MYRIP: variants seen among roughly 807,000 people sequenced by gnomAD.
The protein encoded by MYRIP is myosin VIIA and Rab interacting protein, also known as rab effector MyRIP.
In MYRIP, 49 loss-of-function variants were observed where a neutral mutation model predicts 98.0. The observed-to-expected ratio is 0.50, with a 90% CI of 0.40 to 0.63. The LOEUF (loss-of-function observed/expected upper bound fraction) is 0.63. Ranked by LOEUF, MYRIP falls within the 30% of genes least tolerant of loss-of-function variation. The pLI, the probability that MYRIP is intolerant of heterozygous loss-of-function variation, is 0.00. For synonymous variants in MYRIP, 404 were observed against 409.5 expected (o/e 0.99, Z 0.16); for missense variants, 1,004 against 1,058.2 (o/e 0.95, Z 0.71).
At chr3:40,167,695 A>G (rs1950526909) in intron 7 of MYRIP, among the ~76,000 whole-genome samples, 1 of 152,194 alleles carries the variant, frequency 6.6e-6, no homozygotes, top group Non-Finnish European at 1.5e-5. Flanking sequence ...CAGGTATCCC[A>G]AAGCCACCAC....
chr3:40,153,486 C>T (rs1236370237), intron 4 of MYRIP, among the ~76,000 whole-genome samples: 3 of 152,192 alleles, frequency 2.0e-5, no homozygotes, highest in Non-Finnish European at 1.5e-5. Context: ...ACATTAGAAT[C>T]GCCAAGGGCG....
intron 2 of MYRIP, among the ~76,000 whole-genome samples, chr3:40,040,936 C>A (rs1947501496): frequency 1.4e-5 from 1 of 71,264 alleles, no homozygotes; most frequent in South Asian, 6.6e-4. Context: ...ACATATGTAA[C>A]TAACCTGCAC....
chr3:40,160,355 A>G (rs1202911382), intron 4 of MYRIP, among the ~76,000 whole-genome samples: 1 of 152,250 alleles, frequency 6.6e-6, no homozygotes, highest in Admixed American at 6.5e-5. Flanking sequence ...GCCTGTTCTC[A>G]GATCTCCAGC....
At chr3:40,050,714 C>A (rs1182183488) in intron 3 of MYRIP, among the ~76,000 whole-genome samples, 7 of 152,050 alleles carry the variant, frequency 4.6e-5, no homozygotes, top group Admixed American at 3.9e-4. Context: ...GAAAACAAAC[C>A]TTTTGGAAAG....
intron 3 of MYRIP, among the ~76,000 whole-genome samples, chr3:40,113,232 C>A (rs1949198352): frequency 6.6e-6 from 1 of 152,218 alleles, no homozygotes; most frequent in Non-Finnish European, 1.5e-5. Context: ...CAGCCTCTAC[C>A]TCCTGGGTTC....
rs1559393711 is a variant in MYRIP, at chr3:40,084,413, ATC to A, written c.332+40144_332+40145del. 2.2e-3 allele frequency among the ~76,000 whole-genome samples: 182 copies of A among 83,970 alleles called. 49 individuals carry two copies. Among genetic ancestry groups the A allele is most frequent in the East Asian group, 2.5e-3 (8 of 3,178 alleles). The allele number at this position is 83,970 out of a possible 152,430, so 55.1% of individuals were successfully genotyped here. A position where few individuals can be genotyped will look rare whatever the true frequency, so the allele number is the denominator to read the frequency against. ...GATAGATAATACACATCTATGTATT[ATC>A]TATCGGTAGATAATACACATCTATG... is the stretch of plus-strand genomic sequence containing the variant. On this transcript the variant is annotated intron_variant, in intron 3 of 16. Coordinates refer to ENST00000302541, the MANE Select transcript of MYRIP (RefSeq NM_015460.4).
intron 3 of MYRIP, among the ~76,000 whole-genome samples, chr3:40,098,739 A>AG (rs1575536264): frequency 3.5e-4 from 10 of 28,288 alleles, no homozygotes; most frequent in East Asian, 2.7e-3. Flanking sequence ...TGTCTCTCTC[A>AG]TTGTGTGTGT....
chr3:39,907,914 G>A (rs1213895143), intron 2 of MYRIP, among the ~76,000 whole-genome samples: 1 of 152,140 alleles, frequency 6.6e-6, no homozygotes, highest in Non-Finnish European at 1.5e-5. Context: ...CACAGTTTAT[G>A]CACTATGATT....
intron 13 of MYRIP, among the ~76,000 whole-genome samples, chr3:40,245,805 T>C (rs569426343): frequency 1.4e-3 from 187 of 137,260 alleles, no homozygotes; most frequent in Non-Finnish European, 6.8e-4. Context: ...TGGAGTACAG[T>C]GGCATGATCT....
intron 8 of MYRIP, 44 bp downstream of exon 8, chr3:40,170,137 T>A (rs777111287): frequency 1.2e-6 from 2 of 1,605,596 alleles, no homozygotes; most frequent in South Asian, 2.2e-5. Context: ...CACGTGCAGG[T>A]CTGGGGCACA....
At chr3:40,095,292 C>T (rs1240304578) in intron 3 of MYRIP, among the ~76,000 whole-genome samples, 2 of 152,180 alleles carry the variant, frequency 1.3e-5, no homozygotes, top group African/African-American at 4.8e-5. Flanking sequence ...AGGCCTGGGG[C>T]TATAAACAGG....
chr3:39,865,115 G>T (rs1372042303), intron 1 of MYRIP, among the ~76,000 whole-genome samples: 1 of 152,076 alleles, frequency 6.6e-6, no homozygotes, highest in East Asian at 1.9e-4. Flanking sequence ...GAATATTGAA[G>T]GTGGACCCCT....
intron 2 of MYRIP, among the ~76,000 whole-genome samples, chr3:39,997,101 C>T (rs181370619): frequency 0.01 from 1,573 of 152,208 alleles, 10 homozygotes; most frequent in Non-Finnish European, 0.016. Flanking sequence ...AAAATGGACA[C>T]CCTAACATCA....
intron 1 of MYRIP, among the ~76,000 whole-genome samples, chr3:39,858,424 T>C (rs1469886778): frequency 6.6e-6 from 1 of 151,998 alleles, no homozygotes; most frequent in Admixed American, 6.6e-5. Flanking sequence ...GAAAAATAAA[T>C]AGCAATGCAG....
At chr3:40,015,637 C>G (rs900706927) in intron 2 of MYRIP, among the ~76,000 whole-genome samples, 6 of 152,228 alleles carry the variant, frequency 3.9e-5, no homozygotes, top group Non-Finnish European at 7.3e-5. Flanking sequence ...GCCTGGTAAG[C>G]TCCTTAGCCA....
chr3:40,033,679 C>G (rs1159828354), intron 2 of MYRIP, among the ~76,000 whole-genome samples: 1 of 152,214 alleles, frequency 6.6e-6, no homozygotes, highest in African/African-American at 2.4e-5. Flanking sequence ...CCATCCCTAT[C>G]AAGCTACCAA....
chr3:39,890,378 C>T (rs998976197), intron 1 of MYRIP, among the ~76,000 whole-genome samples: 1 of 152,044 alleles, frequency 6.6e-6, no homozygotes, highest in Non-Finnish European at 1.5e-5. Flanking sequence ...CCCATTTCTT[C>T]ATTCATGGAT....
chr3:39,879,895 T>A (rs1943115663), intron 1 of MYRIP, among the ~76,000 whole-genome samples: 1 of 152,184 alleles, frequency 6.6e-6, no homozygotes, highest in Non-Finnish European at 1.5e-5. Flanking sequence ...GGGTTCCCAC[T>A]ACCACCTCAA....
At chr3:39,952,410 C>A (rs78351368) in intron 2 of MYRIP, among the ~76,000 whole-genome samples, 5,470 of 152,134 alleles carry the variant, frequency 0.036, 325 homozygotes, top group African/African-American at 0.12. Context: ...TTGTGACATG[C>A]TTTTTCTGTA....
Sources: gnomAD v4.1 joint callset for allele counts (sites outside exome capture counted in the v4.1 genomes callset) on GRCh38, gnomAD v4.1.1 for gene constraint, MANE v1.5 for transcripts, NCBI Gene and HGNC (gene_info 2026-07-23, HGNC 2026-07-21) for gene names.